ZNF516: variants seen among roughly 807,000 people sequenced by gnomAD.
The protein encoded by ZNF516 is zinc finger protein 516.
In ZNF516, 19 loss-of-function variants were observed where a neutral mutation model predicts 79.7. The observed-to-expected ratio is 0.24, with a 90% CI of 0.17 to 0.35. The LOEUF is 0.35. Among genes scored for constraint, ZNF516 ranks in the 10% least tolerant of loss-of-function variants. ZNF516 has a pLI of 1.00. For missense variants in ZNF516, 1,678 were observed against 1,679.5 expected (o/e 1.00, Z 0.02); for synonymous variants, 877 against 739.5 (o/e 1.19, Z -3.02).
In ZNF516 at chr18:76,358,296, ATAGT is replaced by A. The variant is rs930251400; in HGVS notation, c.*4198_*4201del. ...AAAACATTGAATTACTTTTTCAGAA[ATAGT>A]TAAATACATCAATCTAGTTACAAAT... On this transcript the variant is annotated 3_prime_UTR_variant, in exon 7 of 7. Coordinates refer to ENST00000443185, the MANE Select transcript of ZNF516 (RefSeq NM_014643.4). 2 of 152,392 alleles carry A rather than the reference ATAGT, an allele frequency of 1.3e-5. No individual in the cohort carries two copies. Among genetic ancestry groups the A allele is most frequent in the Admixed American group, 6.5e-5 (1 of 15,308 alleles). The allele number at this position is 152,392 out of a possible 1,614,324, so 9.4% of individuals were successfully genotyped here.
chr18:76,397,298 A>G (rs1482596944), intron 3 of ZNF516, among the ~76,000 whole-genome samples: 2 of 152,214 alleles, frequency 1.3e-5, no homozygotes, highest in Non-Finnish European at 2.9e-5. Context: ...TCCTATGGCC[A>G]GAAAAGTTTC....
intron 2 of ZNF516, among the ~76,000 whole-genome samples, chr18:76,454,045 T>C (rs1912574205): frequency 6.6e-6 from 1 of 152,210 alleles, no homozygotes; most frequent in African/African-American, 2.4e-5. Context: ...GTGCTTTTTG[T>C]GAAAGACCCT....
intron 3 of ZNF516, among the ~76,000 whole-genome samples, chr18:76,381,264 G>A (rs1568243117): frequency 6.6e-6 from 1 of 152,294 alleles, no homozygotes; most frequent in East Asian, 1.9e-4. Flanking sequence ...CAAAAATTCG[G>A]TTTTATGTTT....
At chr18:76,386,889 CA>C (rs2075000812) in intron 3 of ZNF516, 1 of 152,214 alleles carries the variant, frequency 6.6e-6, no homozygotes, top group African/African-American at 2.4e-5. Flanking sequence ...ATGGTTCCCA[CA>C]GGATGTGGTA....
chr18:76,406,855 C>G (rs778990115), intron 3 of ZNF516, among the ~76,000 whole-genome samples: 1 of 152,204 alleles, frequency 6.6e-6, no homozygotes, highest in Non-Finnish European at 1.5e-5. Flanking sequence ...CAGACCCACA[C>G]GAGCACCGCC....
At chr18:76,420,607 C>A (rs180676201) in intron 3 of ZNF516, among the ~76,000 whole-genome samples, 1 of 152,158 alleles carries the variant, frequency 6.6e-6, no homozygotes, top group East Asian at 1.9e-4. Flanking sequence ...CTAAGTAGGA[C>A]AGATGATCAA....
intron 3 of ZNF516, among the ~76,000 whole-genome samples, chr18:76,405,648 C>T (rs1048762733): frequency 6.6e-6 from 1 of 151,942 alleles, no homozygotes. Context: ...TTAAGCACCA[C>T]GGTGAAACAT....
rs757331965 is a variant in ZNF516 at position 76,371,564 on chromosome 18, G to A, written c.3267C>T (p.Leu1089=). 7.5e-6 allele frequency: 12 copies of A among 1,609,642 alleles called. No individual in the cohort carries two copies. Among genetic ancestry groups the A allele is most frequent in the Admixed American group, 5.0e-5 (3 of 59,950 alleles). The change falls in exon 5 of 7, where the codon CTC becomes CTT. Residue 1089 remains leucine, a synonymous_variant. Transcript: ENST00000443185. ...SGPGLEHRGT[L]RTQARPGEFV... ...ACTCTCCTGGCCGGGCCTGCGTCCGGAGTGTCCCTGCGGTGGCGAGGTGGT... is the reference window on the plus strand; with the variant it reads ...ACTCTCCTGGCCGGGCCTGCGTCCGAAGTGTCCCTGCGGTGGCGAGGTGGT...
chr18:76,442,979 C>T lies in ZNF516; in HGVS notation c.76G>A (p.Val26Met), dbSNP rs754886086. ...SPTRAGRGHE[V>M]DGDKATCHTC... ...TGGCAGGTAGCCTTGTCCCCATCCA[C>T]CTCGTGGCCCCGGCCGGCCCTGGTG... Residue 26 changes from valine to methionine, a missense_variant, in exon 3 of 7, where the codon GTG (valine) becomes ATG (methionine). By Grantham distance (21) the Val-to-Met change is conservative (BLOSUM62 1). Coordinates refer to ENST00000443185, the MANE Select transcript of ZNF516 (RefSeq NM_014643.4). 4.4e-6 allele frequency: 7 copies of T among 1,605,162 alleles called. No individual in the cohort carries two copies. The Admixed American group carries it at 6.7e-5, about 15-fold the overall frequency.
chr18:76,360,948 G>T lies in ZNF516; in HGVS notation c.*1550C>A, dbSNP rs1328596989. The T allele has an allele frequency of 6.6e-6, 1 of 151,614 alleles. No homozygotes were observed. Among genetic ancestry groups the T allele is most frequent in the Admixed American group, 6.6e-5 (1 of 15,206 alleles). The allele number at this position is 151,614 out of a possible 1,614,324, so 9.4% of individuals were successfully genotyped here. ...CAGAAGCCCACTGTCTACAAAAACT[G>T]CACTAGTCCATTACCGTATTAAGTA... On this transcript the variant is annotated 3_prime_UTR_variant, in exon 7 of 7. Transcript: ENST00000443185.
chr18:76,371,685 G>A, intron 4 of ZNF516, 114 bp from the exon 5 acceptor site: 1 of 790,088 alleles, frequency 1.3e-6, no homozygotes, highest in Non-Finnish European at 2.1e-6. Context: ...TGTCTAATGT[G>A]TCATCATGTG....
intron 1 of ZNF516, among the ~76,000 whole-genome samples, chr18:76,465,898 G>A (rs930100557): frequency 3.3e-5 from 5 of 152,172 alleles, no homozygotes; most frequent in Admixed American, 6.5e-5. Context: ...CCCGAGCGCA[G>A]CACAGGCTCC....
chr18:76,406,155 C>A (rs1312609556), intron 3 of ZNF516, among the ~76,000 whole-genome samples: 6 of 152,248 alleles, frequency 3.9e-5, no homozygotes. Context: ...GCAACTCGCC[C>A]GCGCTGCCCA....
intron 6 of ZNF516, among the ~76,000 whole-genome samples, chr18:76,366,527 G>A (rs753750875): frequency 4.6e-5 from 7 of 152,182 alleles, no homozygotes; most frequent in African/African-American, 4.8e-5. Context: ...GGCAGGTTCC[G>A]ACAAAGCCAC....
chr18:76,376,561 C>T (rs1271011533), intron 4 of ZNF516, among the ~76,000 whole-genome samples: 11 of 150,302 alleles, frequency 7.3e-5, no homozygotes, highest in Admixed American at 3.3e-4. Context: ...ACCTTAGAAC[C>T]ATTTATTTTT....
At chr18:76,445,726 C>T (rs944874054) in intron 2 of ZNF516, among the ~76,000 whole-genome samples, 29 of 152,194 alleles carry the variant, frequency 1.9e-4, no homozygotes, top group African/African-American at 6.8e-4. Context: ...TTCTCCAGTT[C>T]GAGAGAATTC....
intron 1 of ZNF516, chr18:76,491,549 G>A (rs1184498701): frequency 6.7e-6 from 1 of 149,530 alleles, no homozygotes; most frequent in Admixed American, 6.7e-5. Context: ...ACGGGGGCGG[G>A]GGGCGGGGGG....
chr18:76,446,186 G>A (rs978631310), intron 2 of ZNF516, among the ~76,000 whole-genome samples: 1 of 152,094 alleles, frequency 6.6e-6, no homozygotes, highest in Non-Finnish European at 1.5e-5. Context: ...GAAGCCACAT[G>A]TCACCGAAGC....
intron 6 of ZNF516, among the ~76,000 whole-genome samples, chr18:76,363,700 G>A (rs986543603): frequency 1.1e-4 from 16 of 152,220 alleles, no homozygotes; most frequent in African/African-American, 3.9e-4. Flanking sequence ...GTACAGTGAC[G>A]TCAGGCCGTG....
Sources: allele counts gnomAD v4.1 joint callset (sites outside exome capture counted in the v4.1 genomes callset), GRCh38; gene constraint gnomAD v4.1.1; transcripts MANE v1.5; gene names NCBI Gene and HGNC (gene_info 2026-07-23, HGNC 2026-07-21).